DPYD: variants seen among roughly 807,000 people sequenced by gnomAD.
DPYD encodes the protein dihydropyrimidine dehydrogenase [NADP(+)].
Under a neutral mutation model 116.2 loss-of-function variants are expected in DPYD, and 109 were observed. That is an observed-to-expected ratio of 0.94 (90% CI 0.80 to 1.10). The LOEUF is 1.10. DPYD is among the 50% of genes least tolerant of loss of function. The probability of loss-of-function intolerance (pLI) is 0.00; values close to 1 mark genes in which losing one functional copy is unlikely to be tolerated. For synonymous variants in DPYD, 440 were observed against 432.0 expected, an observed-to-expected ratio of 1.02 and a Z score of -0.23; for missense variants, 1,302 against 1,254.5, an observed-to-expected ratio of 1.04 and a Z score of -0.57.
chr1:97,426,457 A>C (rs1674871265), intron 14 of DPYD, among the ~76,000 whole-genome samples: 1 of 152,156 alleles, frequency 6.6e-6, no homozygotes, highest in Non-Finnish European at 1.5e-5. Context: ...AAAGAAATGC[A>C]GAGCAAGGAC....
At chr1:97,845,720 G>A (rs1416182608) in intron 2 of DPYD, among the ~76,000 whole-genome samples, 1 of 152,186 alleles carries the variant, frequency 6.6e-6, no homozygotes, top group African/African-American at 2.4e-5. Context: ...ATGAAGGAGA[G>A]GAGAGCTGTG....
intron 20 of DPYD, among the ~76,000 whole-genome samples, chr1:97,128,427 T>C (rs904283370): frequency 6.6e-6 from 1 of 152,162 alleles, no homozygotes; most frequent in Non-Finnish European, 1.5e-5. Context: ...AAGCTGAGTG[T>C]GGTTAGAGTT....
At chr1:97,371,422 T>C (rs1671306261) in intron 16 of DPYD, among the ~76,000 whole-genome samples, 1 of 152,032 alleles carries the variant, frequency 6.6e-6, no homozygotes, top group Non-Finnish European at 1.5e-5. Flanking sequence ...GACTCTTCAG[T>C]CCCCCACCAC....
Position 97,197,449 on chromosome 1 carries a change from T to C in DPYD, c.2443-4201A>G, listed in dbSNP as rs938791017. Among the ~76,000 whole-genome samples the C allele has an allele frequency of 6.6e-5, 10 of 152,184 alleles. No homozygotes were observed. The South Asian group carries it at 2.1e-3, about 31-fold the overall frequency. ...ATCAGATTTTGAAAATCACATAATG[T>C]CATGTACTTTATGGGATTTTCATGA... On this transcript the variant is annotated intron_variant, in intron 19 of 22. Coordinates refer to ENST00000370192, the MANE Select transcript of DPYD (RefSeq NM_000110.4).
At chr1:97,810,522 C>T (rs922130248) in intron 3 of DPYD, among the ~76,000 whole-genome samples, 1 of 151,978 alleles carries the variant, frequency 6.6e-6, no homozygotes, top group Admixed American at 6.5e-5. Context: ...AATACAGTTC[C>T]CTATCCATCC....
At chr1:97,143,048 C>CT (rs911357960) in intron 20 of DPYD, among the ~76,000 whole-genome samples, 10 of 151,570 alleles carry the variant, frequency 6.6e-5, no homozygotes, top group South Asian at 2.1e-4. Context: ...ATTATCATAG[C>CT]TTTTTTTTCC....
At chr1:97,440,906 A>C (rs944478115) in intron 14 of DPYD, among the ~76,000 whole-genome samples, 2 of 152,144 alleles carry the variant, frequency 1.3e-5, no homozygotes, top group Admixed American at 6.6e-5. Context: ...GTGCTTGAAA[A>C]ATTATTTATT....
chr1:97,213,813 C>T (rs1660198618), intron 19 of DPYD, among the ~76,000 whole-genome samples: 1 of 152,130 alleles, frequency 6.6e-6, no homozygotes, highest in African/African-American at 2.4e-5. Flanking sequence ...TCCTCCTTCA[C>T]TTGACTACGT....
intron 1 of DPYD, among the ~76,000 whole-genome samples, chr1:97,896,790 A>G (rs1032722769): frequency 6.6e-6 from 1 of 151,870 alleles, no homozygotes; most frequent in East Asian, 1.9e-4. Context: ...TGTCATATAA[A>G]TGGAATCATA....
chr1:97,814,452 T>C (rs1411644726), intron 3 of DPYD, among the ~76,000 whole-genome samples: 3 of 152,086 alleles, frequency 2.0e-5, no homozygotes, highest in Admixed American at 6.6e-5. Context: ...GGGAAATTAG[T>C]AGTTCAGATG....
At chr1:97,687,707 CA>C (rs1424059661) in intron 7 of DPYD, among the ~76,000 whole-genome samples, 1 of 151,966 alleles carries the variant, frequency 6.6e-6, no homozygotes, top group Non-Finnish European at 1.5e-5. Flanking sequence ...TTCACAATAG[CA>C]AAGACATGGA....
chr1:97,127,348 G>T (rs890958490), intron 20 of DPYD, among the ~76,000 whole-genome samples: 2 of 152,146 alleles, frequency 1.3e-5, no homozygotes, highest in Non-Finnish European at 2.9e-5. Flanking sequence ...CCAGGTAGGG[G>T]AGGGTCTTGG....
intron 2 of DPYD, among the ~76,000 whole-genome samples, chr1:97,879,758 C>T (rs958382120): frequency 3.3e-5 from 5 of 151,864 alleles, no homozygotes; most frequent in African/African-American, 7.2e-5. Flanking sequence ...CTATGATTTA[C>T]TTATTAAACA....
At chr1:97,154,944 T>C (rs1655329789) in intron 20 of DPYD, among the ~76,000 whole-genome samples, 1 of 152,080 alleles carries the variant, frequency 6.6e-6, no homozygotes, top group Non-Finnish European at 1.5e-5. Flanking sequence ...AAAACACGTG[T>C]CTAGGTAGCA....
chr1:97,372,916 C>T (rs545492172), intron 16 of DPYD, among the ~76,000 whole-genome samples: 1 of 152,296 alleles, frequency 6.6e-6, no homozygotes, highest in South Asian at 2.1e-4. Context: ...AAAATACTCA[C>T]CTTTTTAGCA....
chr1:97,809,686 A>C (rs1668253683), intron 3 of DPYD, among the ~76,000 whole-genome samples: 2 of 152,196 alleles, frequency 1.3e-5, no homozygotes. Context: ...TGTAGTATAC[A>C]CAATATCACA....
intron 18 of DPYD, among the ~76,000 whole-genome samples, chr1:97,247,077 T>C (rs1250428005): frequency 6.6e-6 from 1 of 152,146 alleles, no homozygotes; most frequent in African/African-American, 2.4e-5. Flanking sequence ...ACTAGAATAA[T>C]ATGATCCACT....
At chr1:97,195,565 C>T (rs1463224003) in intron 19 of DPYD, among the ~76,000 whole-genome samples, 2 of 58,418 alleles carry the variant, frequency 3.4e-5, no homozygotes, top group African/African-American at 1.7e-4. Flanking sequence ...AGAGACAGAA[C>T]TCTCATATAT....
chr1:97,837,303 ACT>A (rs1199186489), intron 2 of DPYD, among the ~76,000 whole-genome samples: 2 of 152,140 alleles, frequency 1.3e-5, no homozygotes, highest in African/African-American at 2.4e-5. Context: ...AGCAGGAGTT[ACT>A]GTCTAAATGA....
Sources: gnomAD v4.1 joint callset for allele counts (sites outside exome capture counted in the v4.1 genomes callset) on GRCh38, gnomAD v4.1.1 for gene constraint, MANE v1.5 for transcripts, NCBI Gene and HGNC (gene_info 2026-07-23, HGNC 2026-07-21) for gene names.